Variants in KCNAB1 observed in about 807,000 individuals in gnomAD.
The protein encoded by KCNAB1 is voltage-gated potassium channel subunit beta-1.
KCNAB1 carries 35 observed loss-of-function variants against 64.6 expected under a neutral mutation model. That is an observed-to-expected ratio of 0.54 (90% CI 0.41 to 0.72). KCNAB1 has a LOEUF of 0.72. KCNAB1 is among the 30% of genes least tolerant of loss of function. The pLI, the probability that KCNAB1 is intolerant of heterozygous loss-of-function variation, is 0.00. For synonymous variants in KCNAB1, 177 were observed against 183.8 expected (o/e 0.96, Z 0.30); for missense variants, 401 against 512.9 (o/e 0.78, Z 2.11).
intron 1 of KCNAB1, among the ~76,000 whole-genome samples, chr3:156,395,544 C>CAAAAAAAAAAAAAAAAAAAAAAA (rs61017269): frequency 7.9e-5 from 2 of 25,462 alleles, no homozygotes; most frequent in African/African-American, 1.5e-4. Context: ...GACTCCGTCT[C>CAAAAAAAAAAAAAAAAAAAAAAA]AAAAAAAAAA....
intron 1 of KCNAB1, among the ~76,000 whole-genome samples, chr3:156,242,809 T>C (rs1243648304): frequency 1.3e-5 from 2 of 151,594 alleles, no homozygotes. Context: ...TTTTTCTGTT[T>C]TGATACTGGC....
intron 8 of KCNAB1, among the ~76,000 whole-genome samples, chr3:156,480,540 TAAAA>T (rs112797257): frequency 1.4e-5 from 2 of 143,686 alleles, no homozygotes; most frequent in South Asian, 2.2e-4. Context: ...GAACTTAAAG[TAAAA>T]AAAAAAAAGT....
At position 156,266,651 on chromosome 3, in the gene KCNAB1, T is replaced by G. The variant is rs536466154; in HGVS notation, c.275+145765T>G. Among the ~76,000 whole-genome samples the G allele has an allele frequency of 1.4e-4, 21 of 152,330 alleles. 1 individual carries two copies. In the South Asian group the frequency reaches 3.9e-3, roughly 29 times the overall value. On this transcript the variant is annotated intron_variant, in intron 1 of 13. Coordinates refer to ENST00000490337, the MANE Select transcript of KCNAB1 (RefSeq NM_172160.3). ...CTATTGCATAAAATTCCTTTAATAT[T>G]CCATGCATAATTATTGCTGTCCTTA...
intron 1 of KCNAB1, among the ~76,000 whole-genome samples, chr3:156,295,004 G>T (rs1467644960): frequency 6.6e-6 from 1 of 152,176 alleles, no homozygotes; most frequent in Non-Finnish European, 1.5e-5. Flanking sequence ...GTACACAAAG[G>T]TGCAGAAGCC....
chr3:156,213,250 G>C (rs529289764), intron 1 of KCNAB1, among the ~76,000 whole-genome samples: 2 of 147,062 alleles, frequency 1.4e-5, no homozygotes, highest in South Asian at 4.3e-4. Flanking sequence ...ACAGAGTCTC[G>C]TTCTGTTACC....
intron 1 of KCNAB1, among the ~76,000 whole-genome samples, chr3:156,154,660 T>C (rs1472066606): frequency 6.6e-6 from 1 of 152,246 alleles, no homozygotes; most frequent in Admixed American, 6.5e-5. Context: ...TAATTAATAG[T>C]TGCAGGCTGG....
At chr3:156,175,490 G>C (rs1712295739) in intron 1 of KCNAB1, among the ~76,000 whole-genome samples, 1 of 152,140 alleles carries the variant, frequency 6.6e-6, no homozygotes, top group Admixed American at 6.5e-5. Flanking sequence ...TGTGCTGGCA[G>C]GTGCCTGTAG....
Position 156,536,510 on chromosome 3 carries a change from G to A in KCNAB1, c.1171-148G>A. The stretch of plus-strand genomic sequence containing the variant: ...CCCCTGACCTCAAGGAGCTTACAAT[G>A]TGATGGTGTTGGGGGCGGGGGGCTT... On this transcript the variant is annotated intron_variant, in intron 13 of 13. Transcript: ENST00000490337. 4.6e-6 allele frequency: 3 copies of A among 647,806 alleles called. No individual in the cohort carries two copies. In the South Asian group the frequency reaches 5.4e-5, roughly 12 times the overall value. The allele number at this position is 647,806 out of a possible 1,614,324, so 40.1% of individuals were successfully genotyped here.
At chr3:156,425,256 G>A (rs1715737150) in intron 2 of KCNAB1, among the ~76,000 whole-genome samples, 1 of 152,238 alleles carries the variant, frequency 6.6e-6, no homozygotes, top group South Asian at 2.1e-4. Flanking sequence ...AAAAGTGATA[G>A]TTAAAGCTAA....
intron 8 of KCNAB1, among the ~76,000 whole-genome samples, chr3:156,498,324 C>T (rs1008983359): frequency 6.6e-6 from 1 of 152,304 alleles, no homozygotes; most frequent in East Asian, 1.9e-4. Flanking sequence ...ACCCAAATCT[C>T]ATATTGAATT....
At chr3:156,315,633 G>T (rs1159861407) in intron 1 of KCNAB1, among the ~76,000 whole-genome samples, 1 of 151,790 alleles carries the variant, frequency 6.6e-6, no homozygotes, top group Non-Finnish European at 1.5e-5. Flanking sequence ...TGACTACTAT[G>T]TATTTGTATC....
intron 1 of KCNAB1, among the ~76,000 whole-genome samples, chr3:156,348,842 C>T (rs914587660): frequency 6.6e-6 from 1 of 152,150 alleles, no homozygotes; most frequent in Non-Finnish European, 1.5e-5. Flanking sequence ...TCTCTCCATT[C>T]CCAAAAGCTC....
intron 1 of KCNAB1, among the ~76,000 whole-genome samples, chr3:156,307,344 C>T (rs1721562015): frequency 7.2e-6 from 1 of 139,474 alleles, no homozygotes; most frequent in South Asian, 2.5e-4. Context: ...CCAGGAACTT[C>T]TTAAGTTTGG....
intron 1 of KCNAB1, among the ~76,000 whole-genome samples, chr3:156,395,792 G>A (rs1457087900): frequency 1.3e-5 from 2 of 151,990 alleles, no homozygotes; most frequent in Non-Finnish European, 2.9e-5. Flanking sequence ...TCTGAAAATG[G>A]TATGTGGAGA....
At chr3:156,183,094 T>C (rs920358798) in intron 1 of KCNAB1, among the ~76,000 whole-genome samples, 4 of 152,140 alleles carry the variant, frequency 2.6e-5, no homozygotes, top group African/African-American at 9.7e-5. Flanking sequence ...AATAACTAAA[T>C]GTTGGACGTC....
chr3:156,420,380 C>T (rs1467402372), intron 1 of KCNAB1, among the ~76,000 whole-genome samples: 4 of 152,200 alleles, frequency 2.6e-5, no homozygotes, highest in African/African-American at 9.7e-5. Context: ...CATTTTTATG[C>T]ATTTTTTATT....
At chr3:156,316,849 G>A (rs1423758628) in intron 1 of KCNAB1, among the ~76,000 whole-genome samples, 1 of 152,206 alleles carries the variant, frequency 6.6e-6, no homozygotes. Flanking sequence ...CTCCAAAGAT[G>A]AAATCCATGA....
At chr3:156,233,931 G>C (rs1716691801) in intron 1 of KCNAB1, among the ~76,000 whole-genome samples, 1 of 151,872 alleles carries the variant, frequency 6.6e-6, no homozygotes, top group Non-Finnish European at 1.5e-5. Flanking sequence ...GTTTGGACTT[G>C]TAAAAGTGGA....
intron 1 of KCNAB1, among the ~76,000 whole-genome samples, chr3:156,270,536 C>T (rs1480146700): frequency 6.6e-6 from 1 of 152,064 alleles, no homozygotes; most frequent in Non-Finnish European, 1.5e-5. Context: ...GACAATTTAA[C>T]TTCGATTGTA....
Sources: gnomAD v4.1 joint callset for allele counts (sites outside exome capture counted in the v4.1 genomes callset) on GRCh38, gnomAD v4.1.1 for gene constraint, MANE v1.5 for transcripts, NCBI Gene and HGNC (gene_info 2026-07-23, HGNC 2026-07-21) for gene names.